The following DAPK2 variants were observed in gnomAD, a reference collection of about 807,000 sequenced individuals.
The protein encoded by DAPK2 is death associated protein kinase 2.
Under a neutral mutation model 44.1 loss-of-function variants are expected in DAPK2, and 35 were observed. The observed-to-expected ratio is 0.79, with a 90% confidence interval of 0.61 to 1.05. The LOEUF is 1.05. Among genes scored for constraint, DAPK2 ranks in the 50% least tolerant of loss-of-function variants. The pLI is 0.00. For synonymous variants in DAPK2, 174 were observed against 182.6 expected, an observed-to-expected ratio of 0.95 and a Z score of 0.38; for missense variants, 453 against 483.2, an observed-to-expected ratio of 0.94 and a Z score of 0.59.
At position 63,939,970 on chromosome 15, in the gene DAPK2, C is replaced by G. The variant is rs1255814934; in HGVS notation, c.454-609G>C. ...ATGCACCCGATTTCCAGGGAAAATA[C>G]CAGCTGCTCAGGCTATTTCCAGCCC... On this transcript the variant is annotated intron_variant, in intron 3 of 10. Transcript: ENST00000261891. The surrounding 1 kb of genome is among the most constrained non-coding windows in gnomAD (Gnocchi z 4.3). Among the ~76,000 whole-genome samples the G allele has an allele frequency of 6.6e-6, 1 of 152,244 alleles. No individual in the cohort carries two copies. The highest frequency in any genetic ancestry group is 1.9e-4 in the East Asian group (1 of 5,200).
chr15:63,964,282 G>A (rs1284413652), intron 3 of DAPK2, among the ~76,000 whole-genome samples: 2 of 152,128 alleles, frequency 1.3e-5, no homozygotes, highest in East Asian at 3.8e-4. Flanking sequence ...CCCTCTCCTG[G>A]CCTATAAGGT....
intron 1 of DAPK2, among the ~76,000 whole-genome samples, chr15:63,995,140 T>A (rs1385940788): frequency 6.6e-6 from 1 of 152,200 alleles, no homozygotes; most frequent in Non-Finnish European, 1.5e-5. Flanking sequence ...CTGTTATAAA[T>A]ACACACATGT....
At chr15:63,945,685 G>A (rs2077430620) in intron 3 of DAPK2, among the ~76,000 whole-genome samples, 1 of 152,210 alleles carries the variant, frequency 6.6e-6, no homozygotes, top group Admixed American at 6.5e-5. Context: ...CCAAGGCCAT[G>A]TGAGCTTAAG....
At chr15:64,014,770 A>C (rs1486333003) in intron 1 of DAPK2, among the ~76,000 whole-genome samples, 3 of 152,106 alleles carry the variant, frequency 2.0e-5, no homozygotes, top group African/African-American at 7.2e-5. Flanking sequence ...AAATACAAAA[A>C]TTAGCTGGGC....
intron 1 of DAPK2, among the ~76,000 whole-genome samples, chr15:64,003,256 G>T (rs2079144916): frequency 2.6e-5 from 4 of 152,168 alleles, no homozygotes; most frequent in Admixed American, 2.6e-4. Context: ...TCGATCCAGA[G>T]CACATCTCTA....
intron 2 of DAPK2, among the ~76,000 whole-genome samples, chr15:63,982,457 G>A (rs1168371242): frequency 6.6e-6 from 1 of 152,090 alleles, no homozygotes; most frequent in Admixed American, 6.5e-5. Context: ...CAAAGTGCTA[G>A]GATTACAGGC....
chr15:63,908,554 G>T lies in DAPK2; in HGVS notation c.1079C>A (p.Ala360Asp), dbSNP rs1485161842. 1.9e-6 allele frequency: 3 copies of T among 1,602,214 alleles called. No homozygotes were observed. Among genetic ancestry groups the T allele is most frequent in the Non-Finnish European group, 1.7e-6 (2 of 1,175,644 alleles). Residue 360 changes from alanine to aspartate, a missense_variant, in exon 11 of 11, where the codon GCC becomes GAC. Physicochemically the swap from Ala to Asp is moderately radical, Grantham distance 126. Coordinates refer to ENST00000261891, the Ensembl canonical transcript of DAPK2. The surrounding 1 kb of genome is among the most constrained non-coding windows in gnomAD (Gnocchi z 5.7). ...GCTGCTCCTCCTCCGTGGGTGGAGG[G>T]CTTTCCTCCTGGCGATGTCCTCCTC...
intron 4 of DAPK2, among the ~76,000 whole-genome samples, chr15:63,930,732 G>A (rs1003015997): frequency 2.6e-5 from 4 of 152,156 alleles, no homozygotes; most frequent in Admixed American, 2.6e-4. Context: ...TCATGAGAAT[G>A]GAAACCTCAC....
rs1283629182 is a variant in DAPK2 at position 63,971,377 on chromosome 15, C to T, written c.453+46G>A. 3.1e-6 allele frequency: 5 copies of T among 1,607,778 alleles called. No homozygotes were observed. The African/African-American group carries it at 5.3e-5, about 17-fold the overall frequency. The stretch of plus-strand genomic sequence containing the variant: ...GGAAAGACACCAGGAGGGACTAAGC[C>T]TCTTCTTCCTAAACTTGATTCTTTT... On this transcript the variant is annotated intron_variant, in intron 3 of 10. Coordinates refer to ENST00000261891, the Ensembl canonical transcript of DAPK2.
chr15:63,992,349 A>G (rs1039525250), intron 1 of DAPK2, among the ~76,000 whole-genome samples: 1 of 150,290 alleles, frequency 6.7e-6, no homozygotes, highest in Non-Finnish European at 1.5e-5. Flanking sequence ...ACCACCCACC[A>G]CCCACCCACC....
At chr15:63,972,892 T>G (rs2078251200) in intron 2 of DAPK2, among the ~76,000 whole-genome samples, 1 of 152,194 alleles carries the variant, frequency 6.6e-6, no homozygotes, top group Admixed American at 6.5e-5. Context: ...AATATGGCTC[T>G]CCAGGGAAGC....
intron 8 of DAPK2, 179 bp downstream of exon 9, chr15:63,924,637 A>G: frequency 3.3e-6 from 2 of 602,768 alleles, no homozygotes; most frequent in Non-Finnish European, 5.9e-6. Flanking sequence ...TAGCAAGCAA[A>G]TAAACCTATT....
chr15:63,992,063 A>T (rs2078836149), intron 1 of DAPK2, among the ~76,000 whole-genome samples: 1 of 152,032 alleles, frequency 6.6e-6, no homozygotes. Context: ...AAAGCACAAA[A>T]AGGAAGGAAT....
chr15:63,956,055 T>C (rs1323621864), intron 3 of DAPK2, among the ~76,000 whole-genome samples: 10 of 152,250 alleles, frequency 6.6e-5, no homozygotes, highest in Admixed American at 6.5e-4. Flanking sequence ...TATCCATTTC[T>C]TCTAGGTTGT....
intron 1 of DAPK2, among the ~76,000 whole-genome samples, chr15:63,991,776 T>C (rs1469795963): frequency 6.6e-6 from 1 of 152,184 alleles, no homozygotes; most frequent in Non-Finnish European, 1.5e-5. Flanking sequence ...TCAGTATTAT[T>C]ATCTAGTCTT....
intron 1 of DAPK2, among the ~76,000 whole-genome samples, chr15:64,005,691 C>T (rs1274419274): frequency 6.6e-6 from 1 of 152,028 alleles, no homozygotes; most frequent in African/African-American, 2.4e-5. Flanking sequence ...GAAGTAAACA[C>T]AAAGACTAGA....
chr15:64,040,520 G>C (rs756528886), upstream of DAPK2, among the ~76,000 whole-genome samples: 5 of 152,078 alleles, frequency 3.3e-5, no homozygotes, highest in Non-Finnish European at 7.4e-5. Context: ...CTTCAGATCT[G>C]TCTGAAGAAG....
chr15:64,044,249 C>T (rs2080410587), upstream of DAPK2, among the ~76,000 whole-genome samples: 1 of 152,156 alleles, frequency 6.6e-6, no homozygotes, highest in Admixed American at 6.5e-5. Context: ...CATGTTTCTC[C>T]TGATGGAGTC....
intron 10 of DAPK2, chr15:63,911,658 G>A (rs2078795099): frequency 1.9e-6 from 1 of 530,530 alleles, no homozygotes; most frequent in Non-Finnish European, 3.4e-6. Flanking sequence ...CACCAGGAAA[G>A]GATGGGAGAT....
Sources: gnomAD v4.1 joint callset for allele counts (sites outside exome capture counted in the v4.1 genomes callset) on GRCh38, gnomAD v4.1.1 for gene constraint, Gnocchi (gnomAD v3.1) non-coding constraint, MANE v1.5 for transcripts, NCBI Gene and HGNC (gene_info 2026-07-23, HGNC 2026-07-21) for gene names.